ASXL2: variants seen among roughly 807,000 people sequenced by gnomAD.
ASXL2 encodes putative Polycomb group protein ASXL2.
Under a neutral mutation model 122.0 loss-of-function variants are expected in ASXL2, and 23 were observed. The observed-to-expected ratio is 0.19, with a 90% CI of 0.14 to 0.27. The LOEUF is 0.27. Among genes scored for constraint, ASXL2 ranks in the 10% least tolerant of loss-of-function variants. The probability of loss-of-function intolerance (pLI) is 1.00; values close to 1 mark genes in which losing one functional copy is unlikely to be tolerated. For missense variants in ASXL2, 1,518 were observed against 1,713.8 expected (o/e 0.89, Z 2.02); for synonymous variants, 650 against 637.0 (o/e 1.02, Z -0.31).
At chr2:25,764,465 T>C (rs2088308837) in intron 8 of ASXL2, among the ~76,000 whole-genome samples, 1 of 152,000 alleles carries the variant, frequency 6.6e-6, no homozygotes, top group Non-Finnish European at 1.5e-5. Flanking sequence ...CCAAAAAAAA[T>C]CTCATAATGT....
intron 8 of ASXL2, among the ~76,000 whole-genome samples, chr2:25,764,628 TTTAATATAAACAATGTTTGTA>T (rs1400104517): frequency 3.3e-5 from 5 of 152,172 alleles, no homozygotes; most frequent in African/African-American, 1.2e-4. Context: ...CAGTTTTTTG[TTTAATATAAACAATGTTTGTA>T]TTAATATAAA....
intron 3 of ASXL2, among the ~76,000 whole-genome samples, chr2:25,827,591 C>CTTTTAACT: frequency 6.6e-6 from 1 of 152,278 alleles, no homozygotes. Flanking sequence ...ATAAATGTAG[C>CTTTTAACT]TTTTAACTTT....
At chr2:25,824,500 A>C (rs1217566155) in intron 3 of ASXL2, among the ~76,000 whole-genome samples, 1 of 151,210 alleles carries the variant, frequency 6.6e-6, no homozygotes, top group Non-Finnish European at 1.5e-5. Context: ...CACACACACA[A>C]TTTGCCTCCA....
In ASXL2 at chr2:25,878,161, C is replaced by T; in HGVS notation, c.57+5G>A. 1.2e-6 allele frequency: 2 copies of T among 1,613,922 alleles called. No homozygotes were observed. The highest frequency in any genetic ancestry group is 2.2e-5 in the East Asian group (1 of 44,856). ...CGGCCTTCCCCTTCGCTCCCTCCCC[C>T]TTACCGTCTTGGCGGCCTCCGCCCA... On this transcript the variant is annotated splice_donor_5th_base_variant and intron_variant, in intron 1 of 12. Transcript: ENST00000435504.
chr2:25,794,677 T>C (rs1001752522), intron 5 of ASXL2, among the ~76,000 whole-genome samples: 4 of 152,218 alleles, frequency 2.6e-5, no homozygotes, highest in South Asian at 4.1e-4. Flanking sequence ...CTATCGATTT[T>C]CAACTAGAAG....
intron 6 of ASXL2, 76 bp downstream of exon 6, chr2:25,771,361 AAAT>A: frequency 1.5e-6 from 2 of 1,340,894 alleles, no homozygotes; most frequent in Non-Finnish European, 2.0e-6. Flanking sequence ...AATTTTCAAA[AAAT>A]ATCCGATGAC....
rs1265104433 is a variant in ASXL2, at chr2:25,856,056, ATTTTTGT to A, written c.58-10500_58-10494del. The stretch of plus-strand genomic sequence containing the variant: ...TTACAGGCATGCACCACCATACCTA[ATTTTTGT>A]TTTTTGTTTTTTGAGACGGAGTCTC... On this transcript the variant is annotated intron_variant, in intron 1 of 12. Transcript: ENST00000435504. Among the ~76,000 whole-genome samples the A allele has an allele frequency of 9.1e-5, 13 of 142,946 alleles. No individual in the cohort carries two copies. In the South Asian group the frequency reaches 1.8e-3, roughly 20 times the overall value. The allele number at this position is 142,946 out of a possible 152,430, so 93.8% of individuals were successfully genotyped here.
At chr2:25,792,718 G>C (rs1559512745) in intron 5 of ASXL2, among the ~76,000 whole-genome samples, 1 of 151,274 alleles carries the variant, frequency 6.6e-6, no homozygotes. Context: ...TGATTCTCTT[G>C]CCTCAGCCTC....
chr2:25,820,940 G>A (rs1423778656), intron 3 of ASXL2, among the ~76,000 whole-genome samples: 2 of 152,142 alleles, frequency 1.3e-5, no homozygotes, highest in Non-Finnish European at 2.9e-5. Flanking sequence ...GCCTAGGCGG[G>A]CGGATCACCT....
In ASXL2 at chr2:25,740,438, T is replaced by C. The variant is rs1391059950; in HGVS notation, c.*1591A>G. 1 of 227,746 alleles carries C rather than the reference T, an allele frequency of 4.4e-6. No individual in the cohort carries two copies. Among genetic ancestry groups the C allele is most frequent in the African/African-American group, 2.2e-5 (1 of 45,032 alleles). 14.1% of individuals were successfully genotyped at this position (227,746 alleles called of 1,614,324 possible). Reference sequence around the variant, plus strand: ...AAGGACAAATACAACTGTACTATGTTGCATTAACATTTGTACTTTACCCAT... The same window carrying C: ...AAGGACAAATACAACTGTACTATGTCGCATTAACATTTGTACTTTACCCAT... On this transcript the variant is annotated 3_prime_UTR_variant, in exon 13 of 13. Transcript: ENST00000435504.
At chr2:25,764,567 A>G (rs1296876763) in intron 8 of ASXL2, among the ~76,000 whole-genome samples, 2 of 152,222 alleles carry the variant, frequency 1.3e-5, no homozygotes, top group Admixed American at 6.5e-5. Flanking sequence ...CTTGCTATAT[A>G]CCATGATGAA....
At position 25,742,316 on chromosome 2, in the gene ASXL2, G is replaced by A. The variant is rs1281927825; in HGVS notation, c.4021C>T (p.His1341Tyr). 1.9e-6 allele frequency: 3 copies of A among 1,613,672 alleles called. No individual in the cohort carries two copies. Among genetic ancestry groups the A allele is most frequent in the Non-Finnish European group, 1.7e-6 (2 of 1,179,852 alleles). Residue 1341 changes from histidine (H) to tyrosine (Y), a missense_variant, in exon 13 of 13, where the codon CAT becomes TAT. By Grantham distance (83) the His-to-Tyr change is moderately conservative (BLOSUM62 2). Around this residue, in one of 8 missense-constraint regions of ASXL2, gnomAD observed 831 missense variants for 833.1 expected, o/e 1.00. Coordinates refer to ENST00000435504, the MANE Select transcript of ASXL2 (RefSeq NM_018263.6). Reference sequence around the variant, plus strand: ...TGGCTACCTGGTACAGCAGAGTTATGGTCCATGTCAGATGAGGTGGAGACA... The same window carrying A: ...TGGCTACCTGGTACAGCAGAGTTATAGTCCATGTCAGATGAGGTGGAGACA... Reference protein sequence around the residue: ...INVSTSSDMDHNSAVPGSQVS... With the variant: ...INVSTSSDMDYNSAVPGSQVS...
chr2:25,868,391 A>C (rs1173476137), intron 1 of ASXL2, among the ~76,000 whole-genome samples: 1 of 152,260 alleles, frequency 6.6e-6, no homozygotes, highest in Non-Finnish European at 1.5e-5. Context: ...AGAAATTTTC[A>C]AATGAAAAGT....
chr2:25,841,701 G>C (rs576148673), intron 2 of ASXL2, among the ~76,000 whole-genome samples: 37 of 151,960 alleles, frequency 2.4e-4, no homozygotes, highest in African/African-American at 7.5e-4. Context: ...ACAAAAATTA[G>C]CTTTGGGAGA....
At chr2:25,857,595 C>T (rs190280633) in intron 1 of ASXL2, among the ~76,000 whole-genome samples, 20 of 152,306 alleles carry the variant, frequency 1.3e-4, no homozygotes, top group African/African-American at 4.3e-4. Flanking sequence ...CAATGTAGAA[C>T]GCTCTTTTCC....
intron 2 of ASXL2, among the ~76,000 whole-genome samples, chr2:25,836,475 T>C (rs72801864): frequency 0.042 from 6,460 of 152,254 alleles, 210 homozygotes; most frequent in African/African-American, 0.08. Context: ...CTTTTGCATG[T>C]GGAGAGATAT....
At position 25,744,383 on chromosome 2, in the gene ASXL2, T is replaced by C; in HGVS notation, c.1954A>G (p.Thr652Ala). 1 of 1,613,984 alleles carries C rather than the reference T, an allele frequency of 6.2e-7. No homozygotes were observed. The change falls in exon 13 of 13, where the codon ACA becomes GCA. Residue 652 changes from threonine to alanine, a missense_variant. Physicochemically the swap from Thr to Ala is moderately conservative, Grantham distance 58. Transcript: ENST00000435504. The surrounding 1 kb of genome is among the most constrained non-coding windows in gnomAD (Gnocchi z 4.7). ...FPVSITSPNR[T>A]GARTLADIKA... Reference sequence around the variant, plus strand: ...ATGTCTGCAAGAGTTCTGGCTCCTGTTCTGTTAGGACTAGTGATGGAGACT... The same window carrying C: ...ATGTCTGCAAGAGTTCTGGCTCCTGCTCTGTTAGGACTAGTGATGGAGACT...
chr2:25,771,659 G>A lies in ASXL2; in HGVS notation c.404-119C>T, dbSNP rs1013239981. Reference sequence around the variant, plus strand: ...ACTATGACCAAACACTTTTGGGAACGATGTACTTTTTGGAGTTTTACTGCA... The same window carrying A: ...ACTATGACCAAACACTTTTGGGAACAATGTACTTTTTGGAGTTTTACTGCA... On this transcript the variant is annotated intron_variant, in intron 5 of 12. Transcript: ENST00000435504. The A allele has an allele frequency of 1.2e-4, 96 of 797,922 alleles. No homozygotes were observed. The East Asian group carries it at 2.6e-3, about 22-fold the overall frequency. 49.4% of individuals were successfully genotyped at this position (797,922 alleles called of 1,614,324 possible).
intron 10 of ASXL2, among the ~76,000 whole-genome samples, chr2:25,755,728 A>G (rs1383097999): frequency 6.6e-6 from 1 of 152,200 alleles, no homozygotes; most frequent in Non-Finnish European, 1.5e-5. Flanking sequence ...GCATTAATGT[A>G]GAATTGCTGA....
Sources: allele counts gnomAD v4.1 joint callset (sites outside exome capture counted in the v4.1 genomes callset), GRCh38; gene constraint gnomAD v4.1.1; regional missense constraint gnomAD v4.1.1; non-coding constraint Gnocchi (gnomAD v3.1); transcripts MANE v1.5; gene names NCBI Gene and HGNC (gene_info 2026-07-23, HGNC 2026-07-21).